Variants in PTPRR observed in about 807,000 individuals in gnomAD.
The protein encoded by PTPRR is protein tyrosine phosphatase receptor type R, also known as receptor-type tyrosine-protein phosphatase R.
In PTPRR, 38 loss-of-function variants were observed where a neutral mutation model predicts 77.2. That is an observed-to-expected ratio of 0.49 (90% CI 0.38 to 0.65). The LOEUF is 0.65. PTPRR is among the 30% of genes least tolerant of loss of function. The pLI is 0.00. For missense variants in PTPRR, 744 were observed against 799.2 expected (o/e 0.93, Z 0.83); for synonymous variants, 299 against 283.1 (o/e 1.06, Z -0.57).
At chr12:70,744,496 T>C (rs1890150106) in intron 6 of PTPRR, among the ~76,000 whole-genome samples, 1 of 152,206 alleles carries the variant, frequency 6.6e-6, no homozygotes, top group Non-Finnish European at 1.5e-5. Flanking sequence ...GTTTAAGGAC[T>C]TTTAGAGATA....
intron 2 of PTPRR, among the ~76,000 whole-genome samples, chr12:70,801,984 G>A (rs371284082): frequency 8.5e-5 from 13 of 152,246 alleles, no homozygotes; most frequent in Admixed American, 6.5e-5. Flanking sequence ...CAGGGGTGTC[G>A]CAGAGTAGGT....
intron 2 of PTPRR, among the ~76,000 whole-genome samples, chr12:70,882,616 A>AT (rs35120048): frequency 0.12 from 17,531 of 149,820 alleles, 1,802 homozygotes; most frequent in African/African-American, 0.29. Flanking sequence ...AGTAAGACCC[A>AT]TTTTTTTTTT....
chr12:70,759,155 C>G (rs1890630308), intron 4 of PTPRR, among the ~76,000 whole-genome samples: 2 of 152,126 alleles, frequency 1.3e-5, no homozygotes, highest in South Asian at 2.1e-4. Context: ...AGGTTGGTCT[C>G]AAACTCCTGG....
At chr12:70,738,046 G>T (rs1889928665) in intron 6 of PTPRR, among the ~76,000 whole-genome samples, 1 of 152,158 alleles carries the variant, frequency 6.6e-6, no homozygotes, top group South Asian at 2.1e-4. Flanking sequence ...GGAGGAAATT[G>T]TAATACACAA....
intron 2 of PTPRR, among the ~76,000 whole-genome samples, chr12:70,831,630 C>T (rs942082878): frequency 4.6e-5 from 7 of 152,298 alleles, no homozygotes; most frequent in Admixed American, 2.0e-4. Flanking sequence ...CAAGTGTTAC[C>T]ATTTTCGTTT....
intron 1 of PTPRR, among the ~76,000 whole-genome samples, chr12:70,897,679 C>T (rs1249776499): frequency 3.3e-5 from 5 of 151,924 alleles, no homozygotes; most frequent in Admixed American, 6.6e-5. Context: ...GATTATAAAT[C>T]GTGCTGCTAT....
chr12:70,902,230 G>A (rs543217977), intron 1 of PTPRR, among the ~76,000 whole-genome samples: 1 of 151,978 alleles, frequency 6.6e-6, no homozygotes, highest in Non-Finnish European at 1.5e-5. Flanking sequence ...ATGTAAACTA[G>A]TACAGCCACT....
intron 2 of PTPRR, among the ~76,000 whole-genome samples, chr12:70,789,901 GAA>G (rs1277459512): frequency 6.6e-6 from 1 of 152,058 alleles, no homozygotes; most frequent in African/African-American, 2.4e-5. Context: ...TTTATCTTAA[GAA>G]AATGATCTCA....
chr12:70,789,800 G>A (rs1891391842), intron 2 of PTPRR, among the ~76,000 whole-genome samples: 1 of 152,214 alleles, frequency 6.6e-6, no homozygotes, highest in South Asian at 2.1e-4. Flanking sequence ...TACATTACTG[G>A]CCACATGGAA....
chr12:70,741,101 G>A (rs570061439), intron 6 of PTPRR, among the ~76,000 whole-genome samples: 8 of 152,110 alleles, frequency 5.3e-5, no homozygotes, highest in African/African-American at 7.2e-5. Context: ...GTAACTGCTG[G>A]GAGTTAACCT....
chr12:70,744,128 C>T (rs902186749), intron 6 of PTPRR, among the ~76,000 whole-genome samples: 2 of 151,922 alleles, frequency 1.3e-5, no homozygotes, highest in Non-Finnish European at 2.9e-5. Flanking sequence ...ATGTGGATGA[C>T]CAGAGTAAAA....
At chr12:70,678,409 G>A (rs1041397712) in intron 10 of PTPRR, among the ~76,000 whole-genome samples, 2 of 151,928 alleles carry the variant, frequency 1.3e-5, no homozygotes, top group African/African-American at 4.8e-5. Flanking sequence ...TTTCTTCATT[G>A]TTCAATCTTG....
At chr12:70,685,993 C>G (rs1003045448) in intron 8 of PTPRR, among the ~76,000 whole-genome samples, 5 of 152,144 alleles carry the variant, frequency 3.3e-5, no homozygotes. Flanking sequence ...TGCTGCAGCT[C>G]TCATGCGAAG....
At chr12:70,710,378 T>C (rs143175015) in intron 6 of PTPRR, among the ~76,000 whole-genome samples, 1 of 152,200 alleles carries the variant, frequency 6.6e-6, no homozygotes, top group African/African-American at 2.4e-5. Context: ...ACTCCTTCCT[T>C]ATATCATATA....
rs541927880 is a variant in PTPRR at position 70,672,253 on chromosome 12, C to A, written c.1498-9648G>T. 1.2e-5 allele frequency: 19 copies of A among 1,592,104 alleles called. No homozygotes were observed. The South Asian group carries it at 2.0e-4, about 17-fold the overall frequency. ...GGCCAGATAAGGTGGTGTGTGTGGG[C>A]ATGAATTATGTGGACCACTGCAAAG... On this transcript the variant is annotated intron_variant, in intron 10 of 13. Coordinates refer to ENST00000283228, the MANE Select transcript of PTPRR (RefSeq NM_002849.4).
chr12:70,860,656 T>C (rs376116178), intron 2 of PTPRR, among the ~76,000 whole-genome samples: 1 of 152,182 alleles, frequency 6.6e-6, no homozygotes, highest in Non-Finnish European at 1.5e-5. Context: ...CCCAGCTCCA[T>C]GTAGTGTTTT....
At chr12:70,641,589 A>G (rs1256493084) in intron 13 of PTPRR, among the ~76,000 whole-genome samples, 1 of 152,228 alleles carries the variant, frequency 6.6e-6, no homozygotes, top group Non-Finnish European at 1.5e-5. Flanking sequence ...AAATTCTTGC[A>G]GGTCTGAAGG....
intron 1 of PTPRR, among the ~76,000 whole-genome samples, chr12:70,903,632 T>C (rs1408730844): frequency 2.0e-5 from 3 of 151,842 alleles, no homozygotes; most frequent in Non-Finnish European, 2.9e-5. Context: ...ATAGAACTTT[T>C]AGAAGAAAAC....
intron 6 of PTPRR, among the ~76,000 whole-genome samples, chr12:70,729,057 A>G (rs781033430): frequency 1.5e-4 from 23 of 152,180 alleles, no homozygotes; most frequent in Non-Finnish European, 2.1e-4. Context: ...CTGTAGAGTT[A>G]TGGGAACATC....
Sources: allele counts gnomAD v4.1 joint callset (sites outside exome capture counted in the v4.1 genomes callset), GRCh38; gene constraint gnomAD v4.1.1; transcripts MANE v1.5; gene names NCBI Gene and HGNC (gene_info 2026-07-23, HGNC 2026-07-21).